Variants in PITPNC1 observed in about 807,000 individuals in gnomAD.
The protein encoded by PITPNC1 is cytoplasmic phosphatidylinositol transfer protein 1.
Under a neutral mutation model 44.7 loss-of-function variants are expected in PITPNC1, and 18 were observed. That is an observed-to-expected ratio of 0.40 (90% CI 0.28 to 0.60). The LOEUF is 0.60. Among genes scored for constraint, PITPNC1 ranks in the 20% least tolerant of loss-of-function variants. The pLI, the probability that PITPNC1 is intolerant of heterozygous loss-of-function variation, is 0.39. For synonymous variants in PITPNC1, 141 were observed against 149.6 expected, an observed-to-expected ratio of 0.94 and a Z score of 0.42; for missense variants, 290 against 418.4, an observed-to-expected ratio of 0.69 and a Z score of 2.68.
At position 67,612,675 on chromosome 17, in the gene PITPNC1, ATG is replaced by A. The variant is rs1598886164; in HGVS notation, c.367-19467_367-19466del. On this transcript the variant is annotated intron_variant, in intron 5 of 8. Transcript: ENST00000581322. Reference sequence around the variant, plus strand: ...TGTGGCTGGGTGGATGGATGGGCGGATGGATGGATGGATGGATGGATGGATGG... The same window carrying A: ...TGTGGCTGGGTGGATGGATGGGCGGAGATGGATGGATGGATGGATGGATGG... The A allele has an allele frequency of 1.6e-4, 5 of 32,178 alleles. No homozygotes were observed. In the East Asian group the frequency reaches 5.7e-3, roughly 37 times the overall value. 2.0% of individuals were successfully genotyped at this position (32,178 alleles called of 1,614,324 possible).
chr17:67,464,118 G>A (rs990263970), intron 1 of PITPNC1, among the ~76,000 whole-genome samples: 10 of 151,724 alleles, frequency 6.6e-5, no homozygotes, highest in Non-Finnish European at 1.3e-4. Context: ...GCTTGAACCC[G>A]GGAGGCAGAG....
chr17:67,634,483 G>A (rs1463064729), intron 6 of PITPNC1, among the ~76,000 whole-genome samples: 1 of 152,078 alleles, frequency 6.6e-6, no homozygotes, highest in Non-Finnish European at 1.5e-5. Flanking sequence ...TTGAACCTGG[G>A]AAGTGGAGGC....
chr17:67,584,115 G>A (rs1397597039), intron 5 of PITPNC1, among the ~76,000 whole-genome samples: 1 of 151,994 alleles, frequency 6.6e-6, no homozygotes, highest in African/African-American at 2.4e-5. Context: ...TAAAGAAATA[G>A]TAAGTGCTAT....
At chr17:67,585,341 A>G (rs574141328) in intron 5 of PITPNC1, among the ~76,000 whole-genome samples, 2 of 152,272 alleles carry the variant, frequency 1.3e-5, no homozygotes, top group East Asian at 1.9e-4. Context: ...AGCCAGCCCT[A>G]TGAGATATAT....
intron 1 of PITPNC1, among the ~76,000 whole-genome samples, chr17:67,385,890 G>A (rs1159448118): frequency 6.6e-6 from 1 of 152,214 alleles, no homozygotes; most frequent in East Asian, 1.9e-4. Context: ...CATGAAGGAA[G>A]CTGCATTTTC....
chr17:67,424,825 C>CT (rs2038722452), intron 1 of PITPNC1, among the ~76,000 whole-genome samples: 1 of 151,980 alleles, frequency 6.6e-6, no homozygotes, highest in South Asian at 2.1e-4. Flanking sequence ...TGTCAGGCCT[C>CT]TCAGCCCAAG....
chr17:67,505,279 AGTT>A (rs2040085931), intron 1 of PITPNC1, among the ~76,000 whole-genome samples: 1 of 152,126 alleles, frequency 6.6e-6, no homozygotes, highest in Non-Finnish European at 1.5e-5. Flanking sequence ...TCTTCTGCCT[AGTT>A]GTTCTATCCA....
intron 1 of PITPNC1, among the ~76,000 whole-genome samples, chr17:67,394,000 C>T (rs974411281): frequency 1.3e-5 from 2 of 152,068 alleles, no homozygotes; most frequent in African/African-American, 2.4e-5. Context: ...CCACCACACC[C>T]GCCTAATTTT....
chr17:67,494,185 T>TTCTTTTTCTTTC, intron 1 of PITPNC1, among the ~76,000 whole-genome samples: 34 of 102,482 alleles, frequency 3.3e-4, no homozygotes, highest in East Asian at 1.4e-3. Flanking sequence ...CTTTCTTTCT[T>TTCTTTTTCTTTC]TTTCTTTCTT....
chr17:67,403,795 G>A (rs1017063901), intron 1 of PITPNC1, among the ~76,000 whole-genome samples: 4 of 152,202 alleles, frequency 2.6e-5, no homozygotes, highest in African/African-American at 4.8e-5. Flanking sequence ...GCTGAGGTGG[G>A]TGGATCACCT....
At chr17:67,381,326 CAAAAAAAAAAAA>C (rs1221190761) in intron 1 of PITPNC1, among the ~76,000 whole-genome samples, 2 of 51,162 alleles carry the variant, frequency 3.9e-5, no homozygotes, top group East Asian at 1.3e-3. Flanking sequence ...AGACTCCACT[CAAAAAAAAAAAA>C]AAAAAAAAGG....
Position 67,581,854 on chromosome 17 carries a change from G to A in PITPNC1, c.366+3597G>A, listed in dbSNP as rs541001938. ...TTGAGACCAGCCTGGCCAACATGGC[G>A]AAACCTCGTCTCTACTAAAAATAGA... is the stretch of plus-strand genomic sequence containing the variant. On this transcript the variant is annotated intron_variant, in intron 5 of 8. Coordinates refer to ENST00000581322, the MANE Select transcript of PITPNC1 (RefSeq NM_012417.4). 1.7e-3 allele frequency among the ~76,000 whole-genome samples: 254 copies of A among 152,228 alleles called. 1 individual carries two copies. The highest frequency in any genetic ancestry group is 5.9e-3 in the African/African-American group (247 of 41,540).
chr17:67,425,734 G>GC (rs1448306194), intron 1 of PITPNC1, among the ~76,000 whole-genome samples: 4 of 151,770 alleles, frequency 2.6e-5, no homozygotes, highest in Non-Finnish European at 5.9e-5. Flanking sequence ...TCACTGTGTT[G>GC]CCCAGGCTGG....
intron 6 of PITPNC1, among the ~76,000 whole-genome samples, chr17:67,659,832 T>A (rs1353813882): frequency 6.6e-6 from 1 of 152,182 alleles, no homozygotes; most frequent in Non-Finnish European, 1.5e-5. Context: ...TGGACATAAG[T>A]ATACACCTGT....
chr17:67,507,296 C>T (rs2040117573), intron 1 of PITPNC1, among the ~76,000 whole-genome samples: 1 of 152,094 alleles, frequency 6.6e-6, no homozygotes, highest in African/African-American at 2.4e-5. Context: ...TGAGTCAAGG[C>T]CGAGTCCGAG....
At position 67,377,752 on chromosome 17, in the gene PITPNC1, T is replaced by C. The variant is rs2037892864; in HGVS notation, c.-403T>C. The C allele has an allele frequency of 2.4e-5, 4 of 168,306 alleles. No individual in the cohort carries two copies. In the Admixed American group the frequency reaches 2.6e-4, roughly 11 times the overall value. 10.4% of individuals were successfully genotyped at this position (168,306 alleles called of 1,614,324 possible). On this transcript the variant is annotated 5_prime_UTR_variant, in exon 1 of 9. Transcript: ENST00000581322. Reference sequence around the variant, plus strand: ...CGGAGGCGGATCGAGCGGGTGACTTTTGTGCATTCGTTTTAATTTTTGGAA... The same window carrying C: ...CGGAGGCGGATCGAGCGGGTGACTTCTGTGCATTCGTTTTAATTTTTGGAA...
At position 67,676,656 on chromosome 17, in the gene PITPNC1, C is replaced by T. The variant is rs1480354274; in HGVS notation, c.682+1114C>T. The stretch of plus-strand genomic sequence containing the variant: ...GTATAACCTAGATTGCATTTTGGTC[C>T]TTTTCTGTCATTGTTTCACCAACTC... On this transcript the variant is annotated intron_variant, in intron 8 of 8. Coordinates refer to ENST00000581322, the MANE Select transcript of PITPNC1 (RefSeq NM_012417.4). The surrounding 1 kb of genome is among the most constrained non-coding windows in gnomAD (Gnocchi z 4.0). Among the ~76,000 whole-genome samples the T allele has an allele frequency of 1.3e-5, 2 of 151,990 alleles. No individual in the cohort carries two copies. The highest frequency in any genetic ancestry group is 4.8e-5 in the African/African-American group (2 of 41,356).
chr17:67,399,972 C>T (rs1044253456), intron 1 of PITPNC1, among the ~76,000 whole-genome samples: 2 of 152,156 alleles, frequency 1.3e-5, no homozygotes, highest in Non-Finnish European at 2.9e-5. Context: ...GTCAAATGCC[C>T]TCTTTTGGCC....
intron 6 of PITPNC1, among the ~76,000 whole-genome samples, chr17:67,663,753 G>A (rs2042381862): frequency 6.6e-6 from 1 of 152,078 alleles, no homozygotes; most frequent in Admixed American, 6.5e-5. Flanking sequence ...TTTCTAGGAT[G>A]CGGGTGGTAA....
Sources: allele counts gnomAD v4.1 joint callset (sites outside exome capture counted in the v4.1 genomes callset), GRCh38; gene constraint gnomAD v4.1.1; non-coding constraint Gnocchi (gnomAD v3.1); transcripts MANE v1.5; gene names NCBI Gene and HGNC (gene_info 2026-07-23, HGNC 2026-07-21).